PDE1A: variants seen among roughly 807,000 people sequenced by gnomAD.
The protein encoded by PDE1A is phosphodiesterase 1A.
A neutral mutation model predicts 61.7 loss-of-function variants in PDE1A; 35 were observed. The ratio of observed to expected loss-of-function variants is 0.57; its 90% confidence interval spans 0.43 to 0.75. The LOEUF is 0.75. Among genes scored for constraint, PDE1A ranks in the 30% least tolerant of loss-of-function variants. The pLI is 0.00. For missense variants in PDE1A, 597 were observed against 630.6 expected, an observed-to-expected ratio of 0.95 and a Z score of 0.57; for synonymous variants, 232 against 213.2, an observed-to-expected ratio of 1.09 and a Z score of -0.77.
At chr2:182,514,362 G>T (rs1574838323) in intron 2 of PDE1A, among the ~76,000 whole-genome samples, 1 of 152,266 alleles carries the variant, frequency 6.6e-6, no homozygotes, top group South Asian at 2.1e-4. Flanking sequence ...AAAAGAGCAT[G>T]AACAGTCAAA....
chr2:182,494,298 C>A (rs1284304912), intron 2 of PDE1A, among the ~76,000 whole-genome samples: 5 of 146,966 alleles, frequency 3.4e-5, no homozygotes, highest in Admixed American at 6.8e-5. Flanking sequence ...TTGGATTCTA[C>A]AAAAAAAAAA....
At chr2:182,377,857 T>A (rs1559393944) in intron 1 of PDE1A, among the ~76,000 whole-genome samples, 2 of 152,188 alleles carry the variant, frequency 1.3e-5, no homozygotes, top group Non-Finnish European at 2.9e-5. Context: ...AGACAGTTTT[T>A]TTTTTTTTGA....
At chr2:182,199,694 G>T (rs1686449560) in intron 10 of PDE1A, among the ~76,000 whole-genome samples, 1 of 151,852 alleles carries the variant, frequency 6.6e-6, no homozygotes, top group Non-Finnish European at 1.5e-5. Context: ...TTTAGAATTT[G>T]GTAGGTTTTT....
chr2:182,410,697 T>G (rs1229063574), intron 1 of PDE1A, among the ~76,000 whole-genome samples: 4 of 152,180 alleles, frequency 2.6e-5, no homozygotes, highest in Admixed American at 2.6e-4. Flanking sequence ...ATAATAAAAC[T>G]TGGAAGATAT....
At chr2:182,551,536 C>T in the PDE1A span, among the ~76,000 whole-genome samples, 1 of 152,116 alleles carries the variant, frequency 6.6e-6, no homozygotes, top group African/African-American at 2.4e-5. Context: ...ACTTCAGGTC[C>T]AGCTATGAAA....
the PDE1A span, among the ~76,000 whole-genome samples, chr2:182,695,247 G>A: frequency 6.6e-6 from 1 of 152,050 alleles, no homozygotes; most frequent in African/African-American, 2.4e-5. Context: ...AAATTCATAA[G>A]AGAAGAGAGG....
exon 13 of PDE1A, chr2:182,186,029 T>C (rs780695371): frequency 6.2e-7 from 1 of 1,614,060 alleles, no homozygotes; most frequent in Admixed American, 1.7e-5. Flanking sequence ...GCCTTTTGTA[T>C]TTGATCGTCT....
the PDE1A span, among the ~76,000 whole-genome samples, chr2:182,627,194 T>A: frequency 0.081 from 1,268 of 15,626 alleles, 140 homozygotes; most frequent in African/African-American, 0.19. Flanking sequence ...AATATAAATA[T>A]TATATTATTT....
chr2:182,598,667 C>T, the PDE1A span, among the ~76,000 whole-genome samples: 5 of 152,084 alleles, frequency 3.3e-5, no homozygotes, highest in East Asian at 1.9e-4. Flanking sequence ...CTCTGCCTTT[C>T]GAGTGTGGGG....
intron 7 of PDE1A, among the ~76,000 whole-genome samples, chr2:182,213,109 C>T (rs200571464): frequency 1.3e-5 from 2 of 149,440 alleles, no homozygotes; most frequent in Non-Finnish European, 3.0e-5. Context: ...GTCCCTGACC[C>T]CTGACCCCCG....
At chr2:182,185,263 G>A (rs1277408368) in intron 13 of PDE1A, among the ~76,000 whole-genome samples, 1 of 152,058 alleles carries the variant, frequency 6.6e-6, no homozygotes, top group African/African-American at 2.4e-5. Flanking sequence ...AGAGGCAGGG[G>A]CCAGATCTGG....
At chr2:182,615,852 C>A in the PDE1A span, among the ~76,000 whole-genome samples, 7 of 152,084 alleles carry the variant, frequency 4.6e-5, no homozygotes, top group African/African-American at 1.7e-4. Context: ...AAACCCACTC[C>A]CACGTTAATC....
intron 1 of PDE1A, among the ~76,000 whole-genome samples, chr2:182,324,163 T>C (rs1696894160): frequency 6.6e-6 from 1 of 151,982 alleles, no homozygotes; most frequent in Non-Finnish European, 1.5e-5. Flanking sequence ...TATATTACTA[T>C]AAGGGAGATA....
At chr2:182,286,206 T>C (rs1200280544) in intron 1 of PDE1A, among the ~76,000 whole-genome samples, 1 of 152,138 alleles carries the variant, frequency 6.6e-6, no homozygotes, top group Non-Finnish European at 1.5e-5. Flanking sequence ...GGTGTCATAA[T>C]GAACTCATTA....
intron 7 of PDE1A, among the ~76,000 whole-genome samples, chr2:182,209,466 G>A (rs764730158): frequency 3.3e-5 from 5 of 151,478 alleles, no homozygotes; most frequent in African/African-American, 4.8e-5. Flanking sequence ...TGAGCCAAAT[G>A]TTGATTACAA....
chr2:182,378,165 A>T (rs1321947654), intron 1 of PDE1A, among the ~76,000 whole-genome samples: 1 of 152,222 alleles, frequency 6.6e-6, no homozygotes, highest in South Asian at 2.1e-4. Context: ...TTTAAAAAGA[A>T]TCAAATACTG....
At chr2:182,513,174 G>GA (rs1171318804) in intron 2 of PDE1A, among the ~76,000 whole-genome samples, 7 of 151,968 alleles carry the variant, frequency 4.6e-5, no homozygotes, top group Non-Finnish European at 2.9e-5. Context: ...CAATGTAAAA[G>GA]AAAAAATATT....
chr2:182,295,912 G>T (rs1574279138), intron 1 of PDE1A, among the ~76,000 whole-genome samples: 1 of 152,058 alleles, frequency 6.6e-6, no homozygotes, highest in East Asian at 1.9e-4. Context: ...TTAGAAAGAA[G>T]TCCACCATAG....
At chr2:182,646,216 G>C in the PDE1A span, among the ~76,000 whole-genome samples, 5 of 151,974 alleles carry the variant, frequency 3.3e-5, no homozygotes, top group African/African-American at 1.2e-4. Flanking sequence ...CAGAGGCCGA[G>C]GCAGGTAGAT....
Sources: gnomAD v4.1 joint callset for allele counts (sites outside exome capture counted in the v4.1 genomes callset) on GRCh38, gnomAD v4.1.1 for gene constraint, MANE v1.5 for transcripts, NCBI Gene and HGNC (gene_info 2026-07-23, HGNC 2026-07-21) for gene names.